Variants in PCDH10 observed in about 807,000 individuals in gnomAD.
PCDH10 encodes the protein protocadherin-10.
PCDH10 carries 15 observed loss-of-function variants against 74.4 expected under a neutral mutation model. The ratio of observed to expected loss-of-function variants is 0.20; its 90% CI spans 0.13 to 0.31. The LOEUF (loss-of-function observed/expected upper bound fraction) is 0.31. Ranked by LOEUF, PCDH10 falls within the 10% of genes least tolerant of loss-of-function variation. The probability of loss-of-function intolerance (pLI) is 1.00; values close to 1 mark genes in which losing one functional copy is unlikely to be tolerated. For missense variants in PCDH10, 1,260 were observed against 1,390.2 expected (o/e 0.91, Z 1.49); for synonymous variants, 619 against 589.8 (o/e 1.05, Z -0.72).
rs1021629130 is a variant in PCDH10 at position 133,192,795 on chromosome 4, G to A, written c.*2635G>A. On this transcript the variant is annotated 3_prime_UTR_variant, in exon 5 of 5. Coordinates refer to ENST00000264360, the MANE Select transcript of PCDH10 (RefSeq NM_032961.3). ...AGTAAGGATATGATTCTTGTAAGTT[G>A]GTTAAAATGTTTTCTTCCAATGAGG... 6.6e-6 allele frequency: 1 copy of A among 151,432 alleles called. No homozygotes were observed. The highest frequency in any genetic ancestry group is 1.5e-5 in the Non-Finnish European group (1 of 67,578). The allele number at this position is 151,432 out of a possible 1,614,324, so 9.4% of individuals were successfully genotyped here.
At chr4:133,172,572 A>G (rs1474750931) in intron 4 of PCDH10, among the ~76,000 whole-genome samples, 1 of 152,046 alleles carries the variant, frequency 6.6e-6, no homozygotes, top group East Asian at 1.9e-4. Context: ...TTACTACTGT[A>G]GTATGTCAAG....
chr4:133,171,370 C>T (rs1282436367), intron 4 of PCDH10, among the ~76,000 whole-genome samples: 1 of 152,052 alleles, frequency 6.6e-6, no homozygotes, highest in Non-Finnish European at 1.5e-5. Flanking sequence ...AACTAAGTTT[C>T]TTTAAACAAG....
At chr4:133,188,723 G>A (rs1256561920) in intron 4 of PCDH10, among the ~76,000 whole-genome samples, 2 of 138,504 alleles carry the variant, frequency 1.4e-5, no homozygotes, top group Non-Finnish European at 3.0e-5. Flanking sequence ...TCACAGGCTG[G>A]AGTGCAATGG....
At chr4:133,175,391 G>A (rs1172576901) in intron 4 of PCDH10, among the ~76,000 whole-genome samples, 1 of 151,848 alleles carries the variant, frequency 6.6e-6, no homozygotes, top group Non-Finnish European at 1.5e-5. Flanking sequence ...CTCGTTGTTG[G>A]GCACAACTGT....
intron 3 of PCDH10, among the ~76,000 whole-genome samples, chr4:133,159,033 G>A (rs1464621877): frequency 2.0e-5 from 3 of 151,838 alleles, no homozygotes; most frequent in East Asian, 3.9e-4. Context: ...TGCAATTTTT[G>A]TGGTTACAAT....
rs191456999 is a variant in PCDH10, at chr4:133,200,837, T to G, written n.438-7239T>G. Among the ~76,000 whole-genome samples the G allele has an allele frequency of 2.3e-3, 349 of 152,288 alleles. 1 individual carries two copies. The highest frequency in any genetic ancestry group is 8.1e-3 in the African/African-American group (336 of 41,560). On this transcript the variant is annotated intron_variant and non_coding_transcript_variant, in intron 2 of 2. Coordinates refer to the PCDH10 transcript ENST00000511112. ...GTGTCTTATTTTAAAATTGAAATCTTGGGAGTAGTGATATTTGAAAATATA... is the reference window on the plus strand; with the variant it reads ...GTGTCTTATTTTAAAATTGAAATCTGGGGAGTAGTGATATTTGAAAATATA...
rs1483290496 is a variant in PCDH10, at chr4:133,151,488, C to A, written c.1348C>A (p.Gln450Lys). 1 of 1,614,088 alleles carries A rather than the reference C, an allele frequency of 6.2e-7. No homozygotes were observed. The highest frequency in any genetic ancestry group is 1.1e-5 in the South Asian group (1 of 91,086). Residue 450 changes from glutamine to lysine, a missense_variant, in exon 1 of 5, where the codon CAG becomes AAG. Gln to Lys is a moderately conservative substitution (Grantham distance 53). This residue lies in a region of PCDH10 where 112 missense variants were observed against 123.6 expected (regional missense o/e 0.91). Coordinates refer to ENST00000264360, the MANE Select transcript of PCDH10 (RefSeq NM_032961.3). ...EPALSTSKSIQVQVSDVNDNA... is the reference protein window; with the variant it reads ...EPALSTSKSIKVQVSDVNDNA... ...TGCGCTCTCCACCAGTAAGTCGATC[C>A]AGGTACAAGTGTCGGATGTGAACGA...
chr4:133,167,777 G>A (rs1727117430), intron 4 of PCDH10, among the ~76,000 whole-genome samples: 1 of 150,760 alleles, frequency 6.6e-6, no homozygotes, highest in Non-Finnish European at 1.5e-5. Flanking sequence ...TTATTTCTTT[G>A]GGACAGTTTT....
intron 4 of PCDH10, among the ~76,000 whole-genome samples, chr4:133,182,679 A>G (rs1328908441): frequency 6.6e-6 from 1 of 152,086 alleles, no homozygotes; most frequent in Non-Finnish European, 1.5e-5. Context: ...AATGTACACC[A>G]GCATAGGGTC....
In PCDH10 at chr4:133,192,861, G is replaced by C. The variant is rs1727708926; in HGVS notation, c.*2701G>C. On this transcript the variant is annotated 3_prime_UTR_variant, in exon 5 of 5. Coordinates refer to ENST00000264360, the MANE Select transcript of PCDH10 (RefSeq NM_032961.3). Reference sequence around the variant, plus strand: ...AAAGTGCAACCAACAAATAATGAAGGTTTCTAATTAAGCATTTACTAGATT... The same window carrying C: ...AAAGTGCAACCAACAAATAATGAAGCTTTCTAATTAAGCATTTACTAGATT... 6.6e-6 allele frequency: 1 copy of C among 151,440 alleles called. No individual in the cohort carries two copies. Among genetic ancestry groups the C allele is most frequent in the African/African-American group, 2.4e-5 (1 of 41,374 alleles). 9.4% of individuals were successfully genotyped at this position (151,440 alleles called of 1,614,324 possible). A position where few individuals can be genotyped will look rare whatever the true frequency, so the allele number is the denominator to read the frequency against.
At chr4:133,198,739 GCTACAACA>G (rs1413695960), downstream of PCDH10, among the ~76,000 whole-genome samples, 1 of 152,134 alleles carries the variant, frequency 6.6e-6, no homozygotes, top group Non-Finnish European at 1.5e-5. Flanking sequence ...ATATGATAAG[GCTACAACA>G]CTGTGGTTAT....
intron 4 of PCDH10, among the ~76,000 whole-genome samples, chr4:133,175,439 G>A (rs1401332048): frequency 2.0e-5 from 3 of 152,004 alleles, no homozygotes; most frequent in African/African-American, 7.2e-5. Context: ...GTTTGGCCTA[G>A]AACTAGGTTA....
chr4:133,202,955 G>T (rs111970376), intron 2 of PCDH10, among the ~76,000 whole-genome samples: 4 of 152,164 alleles, frequency 2.6e-5, no homozygotes, highest in African/African-American at 9.7e-5. Flanking sequence ...TGGTCTTTCA[G>T]GGAGAGTATA....
Position 133,151,157 on chromosome 4 carries a change from T to C in PCDH10, c.1017T>C (p.Pro339=). The change falls in exon 1 of 5, where the codon CCT becomes CCC. Residue 339 remains proline (P), a synonymous_variant. Transcript: ENST00000264360. ...AGGACCTGGGCCCCAACGCCGTGCC[T>C]GCGCACTGCAAGGTGCTAGTGCGAG... The part of the protein sequence containing the change: ...QAKDLGPNAV[P]AHCKVLVRVL... 6.2e-7 allele frequency: 1 copy of C among 1,614,128 alleles called. No individual in the cohort carries two copies. Among genetic ancestry groups the C allele is most frequent in the Non-Finnish European group, 8.5e-7 (1 of 1,179,990 alleles).
At chr4:133,206,775 T>A (rs2125879354) in intron 2 of PCDH10, among the ~76,000 whole-genome samples, 1 of 152,268 alleles carries the variant, frequency 6.6e-6, no homozygotes, top group East Asian at 1.9e-4. Flanking sequence ...AATGGGAGCT[T>A]GAAAATAAAC....
rs1199200354 is a variant in PCDH10 at position 133,151,255 on chromosome 4, C to A, written c.1115C>A (p.Ala372Glu). ...AAGGAAGCGGTGAGTGAGGGCGCGGCGCCCGGCACTGTGGTGGCCCTTTTC... is the reference window on the plus strand; with the variant it reads ...AAGGAAGCGGTGAGTGAGGGCGCGGAGCCCGGCACTGTGGTGGCCCTTTTC... ...TVKEAVSEGAAPGTVVALFSV... is the reference protein window; with the variant it reads ...TVKEAVSEGAEPGTVVALFSV... Residue 372 changes from alanine (A) to glutamate (E), a missense_variant, in exon 1 of 5, where the codon GCG becomes GAG. Transcript: ENST00000264360. 1 of 1,613,928 alleles carries A rather than the reference C, an allele frequency of 6.2e-7. No homozygotes were observed. Among genetic ancestry groups the A allele is most frequent in the South Asian group, 1.1e-5 (1 of 91,070 alleles).
intron 4 of PCDH10, among the ~76,000 whole-genome samples, chr4:133,168,585 TAAGTACTATGTTTTGCA>T (rs1178627719): frequency 6.6e-6 from 1 of 151,652 alleles, no homozygotes; most frequent in Non-Finnish European, 1.5e-5. Context: ...TACACAATTA[TAAGTACTATGTTTTGCA>T]ACTGCTTTCT....
exon 3 of PCDH10, chr4:133,208,242 G>A (rs1489330761): frequency 2.6e-5 from 4 of 152,158 alleles, no homozygotes. Context: ...CTTAGCCAGA[G>A]GCACCCAGTT....
intron 4 of PCDH10, among the ~76,000 whole-genome samples, chr4:133,167,139 A>C (rs1727100138): frequency 6.6e-6 from 1 of 151,530 alleles, no homozygotes; most frequent in African/African-American, 2.4e-5. Flanking sequence ...GATGATTAAA[A>C]AAATAAATTT....
Sources: gnomAD v4.1 joint callset for allele counts (sites outside exome capture counted in the v4.1 genomes callset) on GRCh38, gnomAD v4.1.1 for gene constraint, gnomAD v4.1.1 regional missense constraint, MANE v1.5 for transcripts, NCBI Gene and HGNC (gene_info 2026-07-23, HGNC 2026-07-21) for gene names.